The following BABAM2 variants were observed in gnomAD, a reference collection of about 807,000 sequenced individuals.
The protein encoded by BABAM2 is BRISC and BRCA1 A complex member 2.
BABAM2 carries 31 observed loss-of-function variants against 54.7 expected under a neutral mutation model. That is an observed-to-expected ratio of 0.57 (90% CI 0.43 to 0.77). The LOEUF (loss-of-function observed/expected upper bound fraction) is 0.77, where lower values mean the gene tolerates loss of function less well. BABAM2 is among the 30% of genes least tolerant of loss of function. The pLI, the probability that BABAM2 is intolerant of heterozygous loss-of-function variation, is 0.00. For synonymous variants in BABAM2, 167 were observed against 162.9 expected (o/e 1.03, Z -0.19); for missense variants, 364 against 455.8 (o/e 0.80, Z 1.83).
intron 6 of BABAM2, among the ~76,000 whole-genome samples, chr2:28,085,360 C>T (rs1413907913): frequency 6.6e-6 from 1 of 152,142 alleles, no homozygotes; most frequent in Non-Finnish European, 1.5e-5. Flanking sequence ...ATGAATGGTA[C>T]ATTATAAATG....
chr2:28,001,337 C>G (rs539212484), intron 4 of BABAM2, among the ~76,000 whole-genome samples: 46 of 152,240 alleles, frequency 3.0e-4, no homozygotes, highest in African/African-American at 9.9e-4. Context: ...TGTATTGAGC[C>G]TGTATTATAT....
At position 27,961,128 on chromosome 2, in the gene BABAM2, C is replaced by T. The variant is rs188006064; in HGVS notation, c.206-26865C>T. Among the ~76,000 whole-genome samples, 77 of 152,086 alleles carry T rather than the reference C, an allele frequency of 5.1e-4. 1 individual carries two copies. The highest frequency in any genetic ancestry group is 3.4e-3 in the Admixed American group (52 of 15,276). On this transcript the variant is annotated intron_variant, in intron 3 of 11. Coordinates refer to ENST00000379624, the MANE Select transcript of BABAM2 (RefSeq NM_199191.3). Reference sequence around the variant, plus strand: ...TGTTTCTGAGGACAGAAATCACCTGCAGAAATTGGTGAAGACAGGGTGAGA... The same window carrying T: ...TGTTTCTGAGGACAGAAATCACCTGTAGAAATTGGTGAAGACAGGGTGAGA...
chr2:28,097,753 T>G (rs1376904343), intron 6 of BABAM2, among the ~76,000 whole-genome samples: 4 of 152,340 alleles, frequency 2.6e-5, no homozygotes, highest in South Asian at 4.1e-4. Context: ...TATGCTATTC[T>G]GTTTTCTTCT....
chr2:28,327,343 T>C (rs1316593400), intron 11 of BABAM2: 13 of 1,613,788 alleles, frequency 8.1e-6, no homozygotes, highest in Non-Finnish European at 1.0e-5. Context: ...TTGCAAAAAC[T>C]GGCTGCAAGC....
At chr2:28,225,782 G>A (rs777475592) in intron 7 of BABAM2, among the ~76,000 whole-genome samples, 9 of 151,740 alleles carry the variant, frequency 5.9e-5, no homozygotes, top group Non-Finnish European at 1.0e-4. Context: ...ACCCTTGCCT[G>A]AAAAAAGCTA....
chr2:28,257,728 T>A (rs906795375), intron 10 of BABAM2, among the ~76,000 whole-genome samples: 6 of 151,882 alleles, frequency 4.0e-5, no homozygotes, highest in Admixed American at 1.3e-4. Context: ...TACAAAAAAA[T>A]TTAAAAATTA....
intron 6 of BABAM2, among the ~76,000 whole-genome samples, chr2:28,112,454 G>A (rs537287476): frequency 2.0e-5 from 3 of 151,724 alleles, no homozygotes; most frequent in South Asian, 4.2e-4. Context: ...GAGAACATGC[G>A]GTGTTTGGTT....
chr2:28,276,956 T>C (rs1197245818), intron 10 of BABAM2, among the ~76,000 whole-genome samples: 1 of 152,194 alleles, frequency 6.6e-6, no homozygotes, highest in Non-Finnish European at 1.5e-5. Context: ...CCATGTTCTC[T>C]GTGCAGGGCC....
At chr2:28,316,940 A>G (rs974590232) in intron 11 of BABAM2, among the ~76,000 whole-genome samples, 18 of 152,188 alleles carry the variant, frequency 1.2e-4, no homozygotes, top group African/African-American at 4.3e-4. Flanking sequence ...TCTGTCTACT[A>G]CTTTGGGCTC....
intron 3 of BABAM2, among the ~76,000 whole-genome samples, chr2:27,951,401 A>T: frequency 6.6e-6 from 1 of 152,132 alleles, no homozygotes. Context: ...TGAGTTATTT[A>T]GAAATATGTT....
At chr2:27,895,695 T>C (rs1001718905) in intron 2 of BABAM2, among the ~76,000 whole-genome samples, 2 of 152,210 alleles carry the variant, frequency 1.3e-5, no homozygotes, top group Admixed American at 1.3e-4. Flanking sequence ...ATCATCCTTT[T>C]GTCCATTAAT....
chr2:28,298,959 CT>C (rs1435290473), intron 11 of BABAM2, among the ~76,000 whole-genome samples: 3 of 152,226 alleles, frequency 2.0e-5, no homozygotes, highest in Non-Finnish European at 4.4e-5. Context: ...ATGTTGGCAG[CT>C]ACTTTTTATA....
intron 6 of BABAM2, among the ~76,000 whole-genome samples, chr2:28,046,984 C>T (rs1482559246): frequency 6.6e-6 from 1 of 151,946 alleles, no homozygotes; most frequent in Admixed American, 6.6e-5. Context: ...CCCACCTCAC[C>T]CTCCCAAAAT....
intron 3 of BABAM2, among the ~76,000 whole-genome samples, chr2:27,941,725 C>T (rs888801523): frequency 7.9e-5 from 12 of 151,956 alleles, no homozygotes; most frequent in Non-Finnish European, 1.3e-4. Context: ...AATTGTGATA[C>T]GAATAATATA....
chr2:28,074,768 A>G (rs1664500039), intron 6 of BABAM2, among the ~76,000 whole-genome samples: 1 of 152,174 alleles, frequency 6.6e-6, no homozygotes, highest in Admixed American at 6.5e-5. Context: ...CAAGCTGACC[A>G]GGACCAGTGG....
At chr2:28,225,279 C>A (rs1680782250) in intron 7 of BABAM2, among the ~76,000 whole-genome samples, 1 of 152,098 alleles carries the variant, frequency 6.6e-6, no homozygotes, top group African/African-American at 2.4e-5. Context: ...GACAGTCGGG[C>A]TAACAAGGGT....
intron 10 of BABAM2, 55 bp downstream of exon 10, chr2:28,244,917 C>G: frequency 4.1e-6 from 6 of 1,478,428 alleles, no homozygotes; most frequent in South Asian, 1.1e-5. Flanking sequence ...TGTCCTAAAC[C>G]ACATGTAATA....
chr2:28,008,128 G>A (rs1313869404), intron 4 of BABAM2, among the ~76,000 whole-genome samples: 2 of 152,108 alleles, frequency 1.3e-5, no homozygotes, highest in Non-Finnish European at 1.5e-5. Flanking sequence ...CTCATAGAAA[G>A]ACAGTGATAT....
chr2:28,064,578 A>G (rs1013743116), intron 6 of BABAM2, among the ~76,000 whole-genome samples: 5 of 152,216 alleles, frequency 3.3e-5, no homozygotes, highest in African/African-American at 1.2e-4. Flanking sequence ...AATGATTCCT[A>G]TACTCTAATG....
Sources: gnomAD v4.1 joint callset for allele counts (sites outside exome capture counted in the v4.1 genomes callset) on GRCh38, gnomAD v4.1.1 for gene constraint, MANE v1.5 for transcripts, NCBI Gene and HGNC (gene_info 2026-07-23, HGNC 2026-07-21) for gene names.